The following PDE1C variants were observed in gnomAD, a reference collection of about 807,000 sequenced individuals.
PDE1C encodes the protein phosphodiesterase 1C.
In PDE1C, 62 loss-of-function variants were observed where a neutral mutation model predicts 93.1. That is an observed-to-expected ratio of 0.67 (90% CI 0.54 to 0.82). The LOEUF (loss-of-function observed/expected upper bound fraction) is 0.82, where lower values mean the gene tolerates loss of function less well. PDE1C is among the 40% of genes least tolerant of loss of function. The pLI is 0.00. For missense variants in PDE1C, 742 were observed against 884.6 expected, an observed-to-expected ratio of 0.84 and a Z score of 2.04; for synonymous variants, 325 against 310.1, an observed-to-expected ratio of 1.05 and a Z score of -0.50.
chr7:31,976,948 C>T (rs1277915474), intron 2 of PDE1C, among the ~76,000 whole-genome samples: 1 of 152,126 alleles, frequency 6.6e-6, no homozygotes, highest in South Asian at 2.1e-4. Context: ...TTACCTAGGA[C>T]CTTTTTAGAA....
At chr7:32,369,393 A>G (rs1299768263) in intron 1 of PDE1C, among the ~76,000 whole-genome samples, 1 of 152,242 alleles carries the variant, frequency 6.6e-6, no homozygotes, top group Non-Finnish European at 1.5e-5. Flanking sequence ...GGAAAAAATT[A>G]TCAACATCAC....
intron 3 of PDE1C, among the ~76,000 whole-genome samples, chr7:32,145,056 C>T (rs1800754006): frequency 6.6e-6 from 1 of 152,222 alleles, no homozygotes; most frequent in Non-Finnish European, 1.5e-5. Flanking sequence ...CAATGTCTCC[C>T]AGTGCCTCTG....
intron 1 of PDE1C, among the ~76,000 whole-genome samples, chr7:32,225,080 A>G (rs1807158554): frequency 6.6e-6 from 1 of 152,158 alleles, no homozygotes; most frequent in Non-Finnish European, 1.5e-5. Context: ...TCGGAAAGAA[A>G]TGAAGCATTA....
chr7:31,818,971 C>A (rs1241314264), intron 14 of PDE1C, among the ~76,000 whole-genome samples: 2 of 152,052 alleles, frequency 1.3e-5, no homozygotes, highest in Admixed American at 1.3e-4. Context: ...TAGCTAAAAG[C>A]ATACAAAAAA....
intron 14 of PDE1C, among the ~76,000 whole-genome samples, chr7:31,818,051 T>C (rs1788486710): frequency 6.6e-6 from 1 of 152,116 alleles, no homozygotes; most frequent in Non-Finnish European, 1.5e-5. Context: ...AAGAATAGGA[T>C]AGTTTGAATG....
In PDE1C at chr7:32,414,627, C is replaced by A. The variant is rs1481873447; in HGVS notation, c.310+13195G>T. On this transcript the variant is annotated intron_variant, in intron 1 of 1. Transcript: ENST00000672256. ...GGCATTTGGTAGCATCAAGTATCTC[C>A]TTTCCAGCTGATCAGAATGGCAACT... Among the ~76,000 whole-genome samples the A allele has an allele frequency of 1.5e-3, 221 of 152,274 alleles. 2 individuals carry two copies. Among genetic ancestry groups the A allele is most frequent in the Non-Finnish European group, 2.6e-4 (18 of 68,022 alleles).
At chr7:31,661,453 C>A in the PDE1C span, among the ~76,000 whole-genome samples, 13 of 152,284 alleles carry the variant, frequency 8.5e-5, no homozygotes, top group African/African-American at 3.1e-4. Flanking sequence ...TGGCTCACAC[C>A]TGTAATCCCA....
chr7:32,287,300 C>G (rs1812056737), intron 1 of PDE1C, among the ~76,000 whole-genome samples: 1 of 152,206 alleles, frequency 6.6e-6, no homozygotes, highest in Non-Finnish European at 1.5e-5. Context: ...AATGCTCTCA[C>G]AGCCCTCAAT....
At chr7:32,002,037 T>G (rs111929014) in intron 2 of PDE1C, among the ~76,000 whole-genome samples, 2,069 of 152,170 alleles carry the variant, frequency 0.014, 19 homozygotes, top group Non-Finnish European at 0.022. Context: ...CCAGCCTGGG[T>G]GACAGAGCAA....
chr7:32,382,333 T>C (rs2128090529), intron 1 of PDE1C, among the ~76,000 whole-genome samples: 1 of 152,236 alleles, frequency 6.6e-6, no homozygotes, highest in African/African-American at 2.4e-5. Flanking sequence ...CCCTAACAGG[T>C]CCCAATTCTG....
At chr7:31,764,247 T>C (rs931147008) in intron 17 of PDE1C, among the ~76,000 whole-genome samples, 1 of 152,122 alleles carries the variant, frequency 6.6e-6, no homozygotes, top group Non-Finnish European at 1.5e-5. Context: ...CAGGTTTAAG[T>C]GATTCTCCTG....
chr7:31,658,303 T>C, the PDE1C span: 1 of 1,519,980 alleles, frequency 6.6e-7, no homozygotes, highest in South Asian at 1.2e-5. Flanking sequence ...GGATCCCTTT[T>C]TTTTTTCTTC....
chr7:32,018,012 G>C (rs1788142931), intron 2 of PDE1C, among the ~76,000 whole-genome samples: 1 of 152,002 alleles, frequency 6.6e-6, no homozygotes, highest in Middle Eastern at 3.4e-3. Context: ...CCCGGGAAGT[G>C]GAGGTTGCAG....
the PDE1C span, among the ~76,000 whole-genome samples, chr7:31,735,636 C>T: frequency 6.6e-6 from 1 of 152,100 alleles, no homozygotes; most frequent in African/African-American, 2.4e-5. Context: ...GCTTCTGTCA[C>T]CTTGGGGTAG....
At chr7:31,971,553 C>T (rs912150508) in intron 2 of PDE1C, among the ~76,000 whole-genome samples, 6 of 151,954 alleles carry the variant, frequency 3.9e-5, no homozygotes, top group African/African-American at 1.5e-4. Flanking sequence ...ACTATTACGG[C>T]CTACACTGAT....
At chr7:32,145,945 A>G (rs1193839261) in intron 3 of PDE1C, among the ~76,000 whole-genome samples, 1 of 152,090 alleles carries the variant, frequency 6.6e-6, no homozygotes, top group Non-Finnish European at 1.5e-5. Context: ...TGTACCCTCA[A>G]TCTGAGAACT....
At chr7:31,685,294 G>A in the PDE1C span, among the ~76,000 whole-genome samples, 4 of 152,234 alleles carry the variant, frequency 2.6e-5, no homozygotes, top group East Asian at 1.9e-4. Context: ...GCTATATAAC[G>A]GCAAGATAAG....
the PDE1C span, among the ~76,000 whole-genome samples, chr7:31,685,420 A>G: frequency 1.3e-5 from 2 of 152,218 alleles, no homozygotes; most frequent in African/African-American, 4.8e-5. Flanking sequence ...CTGCTTACGT[A>G]TAGGAGATCT....
chr7:31,652,397 G>T, the PDE1C span: 3 of 1,409,518 alleles, frequency 2.1e-6, no homozygotes, highest in South Asian at 4.5e-5. Flanking sequence ...TCTGCTGCTG[G>T]CTCAAAGAGC....
Sources: gnomAD v4.1 joint callset for allele counts (sites outside exome capture counted in the v4.1 genomes callset) on GRCh38, gnomAD v4.1.1 for gene constraint, MANE v1.5 for transcripts, NCBI Gene and HGNC (gene_info 2026-07-23, HGNC 2026-07-21) for gene names.